The following ANGPT1 variants were observed in gnomAD, a reference collection of about 807,000 sequenced individuals.
The protein encoded by ANGPT1 is angiopoietin 1, also known as angiopoietin-1.
In ANGPT1, 17 loss-of-function variants were observed where a neutral mutation model predicts 62.2. That is an observed-to-expected ratio of 0.27 (90% CI 0.19 to 0.41). ANGPT1 has a LOEUF of 0.41. Ranked by LOEUF, ANGPT1 falls within the 10% of genes least tolerant of loss-of-function variation. The pLI is 1.00. For synonymous variants in ANGPT1, 199 were observed against 198.9 expected (o/e 1.00, Z 0.00); for missense variants, 478 against 594.9 (o/e 0.80, Z 2.04).
At chr8:107,402,879 G>A (rs1817072570) in intron 1 of ANGPT1, among the ~76,000 whole-genome samples, 1 of 152,096 alleles carries the variant, frequency 6.6e-6, no homozygotes, top group Non-Finnish European at 1.5e-5. Context: ...ATTTATTTCA[G>A]GAAAACATTT....
chr8:107,310,404 G>C (rs1563562376), intron 4 of ANGPT1, among the ~76,000 whole-genome samples: 1 of 152,156 alleles, frequency 6.6e-6, no homozygotes, highest in Non-Finnish European at 1.5e-5. Context: ...TTTGAGTAAA[G>C]TGAAACCCAA....
intron 1 of ANGPT1, among the ~76,000 whole-genome samples, chr8:107,378,276 G>A (rs1631144): frequency 0.74 from 112,383 of 152,040 alleles, 42,504 homozygotes; most frequent in East Asian, 0.87. Flanking sequence ...ATCTGCAACT[G>A]CCTCTGAAAA....
intron 7 of ANGPT1, among the ~76,000 whole-genome samples, chr8:107,273,259 TAG>T (rs1038685195): frequency 6.6e-6 from 1 of 152,064 alleles, no homozygotes; most frequent in Non-Finnish European, 1.5e-5. Flanking sequence ...TTGGGGTAGA[TAG>T]AGAGAGGAGA....
intron 7 of ANGPT1, among the ~76,000 whole-genome samples, chr8:107,283,338 G>A (rs367811623): frequency 4.6e-5 from 7 of 151,714 alleles, no homozygotes; most frequent in South Asian, 2.1e-4. Context: ...GTACACCCTC[G>A]CTTCCCCTCC....
chr8:107,321,964 A>G lies in ANGPT1; in HGVS notation c.740T>C (p.Leu247Pro), dbSNP rs73701083. ...LNRATTNNSV[L>P]QKQQLELMDT... ...CATCAGCTCCAGTTGCTGCTTCTGA[A>G]GGACACTGTTGTTGGTGGTAGCTCT... Residue 247 changes from leucine to proline, a missense_variant, in exon 4 of 9, where the codon CTT becomes CCT. Physicochemically the swap from Leu to Pro is moderately conservative, Grantham distance 98. Transcript: ENST00000517746. 5.8e-5 allele frequency: 93 copies of G among 1,614,032 alleles called. No homozygotes were observed. The African/African-American group carries it at 1.2e-3, about 21-fold the overall frequency.
intron 1 of ANGPT1, among the ~76,000 whole-genome samples, chr8:107,458,754 A>T (rs1326540394): frequency 6.6e-6 from 1 of 152,198 alleles, no homozygotes; most frequent in Non-Finnish European, 1.5e-5. Flanking sequence ...TGAGCCCAGG[A>T]GGTCTAACAT....
intron 1 of ANGPT1, among the ~76,000 whole-genome samples, chr8:107,364,969 G>C (rs1187425784): frequency 8.7e-6 from 1 of 115,556 alleles, no homozygotes; most frequent in Non-Finnish European, 2.1e-5. Flanking sequence ...TTGCAGAAGG[G>C]GGAAAAAAAA....
At chr8:107,474,381 A>G (rs1339673411) in intron 1 of ANGPT1, among the ~76,000 whole-genome samples, 1 of 152,200 alleles carries the variant, frequency 6.6e-6, no homozygotes, top group Non-Finnish European at 1.5e-5. Flanking sequence ...ACAAAATTCA[A>G]CAGCCCTTCA....
chr8:107,322,269 G>T, intron 3 of ANGPT1, 141 bp from the exon 4 acceptor site: 1 of 646,780 alleles, frequency 1.5e-6, no homozygotes, highest in Non-Finnish European at 2.6e-6. Flanking sequence ...AGAGACTTAA[G>T]AATATGTATT....
At chr8:107,349,887 A>G (rs980935410) in intron 1 of ANGPT1, among the ~76,000 whole-genome samples, 1 of 152,150 alleles carries the variant, frequency 6.6e-6, no homozygotes, top group Non-Finnish European at 1.5e-5. Flanking sequence ...AAGGGCATGT[A>G]CTGGGAAACT....
At chr8:107,372,911 T>C (rs965413685) in intron 1 of ANGPT1, among the ~76,000 whole-genome samples, 2 of 151,878 alleles carry the variant, frequency 1.3e-5, no homozygotes, top group Non-Finnish European at 2.9e-5. Context: ...GCTCAATTTC[T>C]CTGCCTCAGT....
At chr8:107,307,222 G>A (rs934177797) in intron 4 of ANGPT1, among the ~76,000 whole-genome samples, 2 of 151,436 alleles carry the variant, frequency 1.3e-5, no homozygotes, top group African/African-American at 2.4e-5. Flanking sequence ...TCTTAGCCTC[G>A]ATCCCAGAGT....
At chr8:107,406,752 T>A (rs1765984063) in intron 1 of ANGPT1, among the ~76,000 whole-genome samples, 1 of 152,074 alleles carries the variant, frequency 6.6e-6, no homozygotes, top group African/African-American at 2.4e-5. Context: ...CTATCTTATA[T>A]GGTTTTTAAA....
chr8:107,279,159 G>GT (rs1203793672), intron 7 of ANGPT1, among the ~76,000 whole-genome samples: 9 of 152,080 alleles, frequency 5.9e-5, no homozygotes, highest in Admixed American at 2.6e-4. Flanking sequence ...TTGTGTATTT[G>GT]TTTTTTTAAA....
At chr8:107,475,741 A>C (rs1337209905) in intron 1 of ANGPT1, among the ~76,000 whole-genome samples, 1 of 152,226 alleles carries the variant, frequency 6.6e-6, no homozygotes, top group Non-Finnish European at 1.5e-5. Flanking sequence ...ATTGAGAAGA[A>C]AAAAGCAAAC....
intron 1 of ANGPT1, 76 bp downstream of exon 1, chr8:107,497,186 T>A (rs1813125856): frequency 6.7e-7 from 1 of 1,495,806 alleles, no homozygotes; most frequent in East Asian, 2.3e-5. Flanking sequence ...AATGCTCCCC[T>A]AAGGAACTTT....
At chr8:107,261,577 T>A (rs986090825) in intron 8 of ANGPT1, among the ~76,000 whole-genome samples, 1 of 151,482 alleles carries the variant, frequency 6.6e-6, no homozygotes, top group Admixed American at 6.6e-5. Flanking sequence ...TGGTGGCAGG[T>A]GCCTGCAGTC....
At chr8:107,338,838 C>A (rs1815632060) in intron 2 of ANGPT1, among the ~76,000 whole-genome samples, 1 of 152,128 alleles carries the variant, frequency 6.6e-6, no homozygotes, top group Non-Finnish European at 1.5e-5. Context: ...GGGAATGAAA[C>A]ACTTGTATGT....
chr8:107,362,543 T>C (rs1816187350), intron 1 of ANGPT1, among the ~76,000 whole-genome samples: 1 of 152,144 alleles, frequency 6.6e-6, no homozygotes, highest in South Asian at 2.1e-4. Flanking sequence ...TCATAATTCA[T>C]AGCTTTAATA....
Sources: allele counts gnomAD v4.1 joint callset (sites outside exome capture counted in the v4.1 genomes callset), GRCh38; gene constraint gnomAD v4.1.1; transcripts MANE v1.5; gene names NCBI Gene and HGNC (gene_info 2026-07-23, HGNC 2026-07-21).